TDRD6: variants seen among roughly 807,000 people sequenced by gnomAD.
TDRD6 encodes tudor domain containing 6, also known as tudor domain-containing protein 6.
Under a neutral mutation model 157.5 loss-of-function variants are expected in TDRD6, and 186 were observed. The ratio of observed to expected loss-of-function variants is 1.18; its 90% confidence interval spans 1.05 to 1.33. The LOEUF is 1.33. TDRD6 is among the 40% of genes most tolerant of loss of function. The pLI is 0.00. For synonymous variants in TDRD6, 1,075 were observed against 945.2 expected, an observed-to-expected ratio of 1.14 and a Z score of -2.52; for missense variants, 3,066 against 2,508.0, an observed-to-expected ratio of 1.22 and a Z score of -4.75.
At position 46,701,509 on chromosome 6, in the gene TDRD6, C is replaced by CTAATGGTAGCTTTAATTACATTAA. The variant is rs539802933; in HGVS notation, c.6262-349_6262-348insTAATGGTAGCTTTAATTACATTAA. On this transcript the variant is annotated intron_variant, in intron 3 of 3. Transcript: ENST00000316081. ...AATTGAGGCACATTGAGAATAAAAT[C>CTAATGGTAGCTTTAATTACATTAA]AGCTAATGGTAGCTTTAATATCATG... Among the ~76,000 whole-genome samples the CTAATGGTAGCTTTAATTACATTAA allele has an allele frequency of 6.5e-3, 987 of 152,164 alleles. 10 individuals carry two copies. Among genetic ancestry groups the CTAATGGTAGCTTTAATTACATTAA allele is most frequent in the Non-Finnish European group, 8.4e-3 (574 of 67,964 alleles).
At position 46,692,565 on chromosome 6, in the gene TDRD6, CAG is replaced by C. The variant is rs781149251; in HGVS notation, c.4438_4439del (p.Ser1480Ter). 58 of 1,613,532 alleles carry C rather than the reference CAG, an allele frequency of 3.6e-5. No individual in the cohort carries two copies. Among genetic ancestry groups the C allele is most frequent in the Non-Finnish European group, 4.2e-6 (5 of 1,179,920 alleles). On this transcript the variant is annotated frameshift_variant, in exon 1 of 4. Transcript: ENST00000316081. LOFTEE classifies it high-confidence loss of function. ...ATGATATGATTAGCAGGTATGCTCT[CAG>C]TGAAAAATCTCAAGTAGAACTTTCT... Reference protein sequence around the residue: ...ADDMISRYALSEKSQVELSTQ... With the variant: ...ADDMISRYALXEKSQVELSTQ...
rs926372064 is a variant in TDRD6 at position 46,693,904 on chromosome 6, G to A, written c.5776G>A (p.Gly1926Arg). The change falls in exon 1 of 4, where the codon GGA becomes AGA. Residue 1926 changes from glycine to arginine, a missense_variant. Coordinates refer to ENST00000316081, the MANE Select transcript of TDRD6 (RefSeq NM_001010870.3). ...LDDKMDPLSL[G>R]VSQKAQESMC... ...TGACAAGATGGATCCTTTGTCTTTA[G>A]GAGTTAGTCAGAAAGCACAGGAATC... 6.2e-7 allele frequency: 1 copy of A among 1,614,188 alleles called. No individual in the cohort carries two copies. The highest frequency in any genetic ancestry group is 8.5e-7 in the Non-Finnish European group (1 of 1,180,026).
upstream of TDRD6, chr6:46,687,870 G>C (rs531183072): frequency 2.2e-6 from 1 of 460,794 alleles, no homozygotes; most frequent in East Asian, 4.1e-5. Context: ...TGGCGGCGCC[G>C]AGTGAGGTAA....
chr6:46,688,898 C>T lies in TDRD6; in HGVS notation c.770C>T (p.Thr257Ile), dbSNP rs1053297975. ...GGCGTGACGGAGGCCGTGGTCATAACCCAAGTGTGCCATCCCCACCGCATT... is the reference window on the plus strand; with the variant it reads ...GGCGTGACGGAGGCCGTGGTCATAATCCAAGTGTGCCATCCCCACCGCATT... ...QLGVTEAVVITQVCHPHRIHC... is the reference protein window; with the variant it reads ...QLGVTEAVVIIQVCHPHRIHC... The change falls in exon 1 of 4, where the codon ACC (threonine) becomes ATC (isoleucine). Residue 257 changes from threonine to isoleucine, a missense_variant. Transcript: ENST00000316081. 4.4e-6 allele frequency: 7 copies of T among 1,607,328 alleles called. No homozygotes were observed. In the Admixed American group the frequency reaches 8.4e-5, roughly 19 times the overall value.
In TDRD6 at chr6:46,690,102, G is replaced by A; in HGVS notation, c.1974G>A (p.Lys658=). 1 of 1,613,818 alleles carries A rather than the reference G, an allele frequency of 6.2e-7. No individual in the cohort carries two copies. The highest frequency in any genetic ancestry group is 8.5e-7 in the Non-Finnish European group (1 of 1,179,954). ...ESRTGEENIS[K]VIAQAGYAKY... ...GAACAGGGGAAGAAAACATTAGTAA[G>A]GTAATTGCCCAAGCTGGATATGCCA... The change falls in exon 1 of 4, where the codon AAG becomes AAA. Residue 658 remains lysine (K), a synonymous_variant. Transcript: ENST00000316081.
chr6:46,685,993 C>T (rs908494326), upstream of TDRD6, among the ~76,000 whole-genome samples: 2 of 152,130 alleles, frequency 1.3e-5, no homozygotes, highest in African/African-American at 4.8e-5. Flanking sequence ...ATGCTACCTG[C>T]TCCAGATACA....
intron 2 of TDRD6, among the ~76,000 whole-genome samples, chr6:46,696,531 A>ATATG (rs1764502436): frequency 8.0e-6 from 1 of 125,166 alleles, no homozygotes; most frequent in African/African-American, 3.1e-5. Context: ...GTGTGTATAT[A>ATATG]TGTGTATATA....
Position 46,691,977 on chromosome 6 carries a change from T to G in TDRD6, c.3849T>G (p.Asp1283Glu), listed in dbSNP as rs1401914108. The G allele has an allele frequency of 6.2e-7, 1 of 1,613,700 alleles. No homozygotes were observed. The highest frequency in any genetic ancestry group is 1.7e-5 in the Admixed American group (1 of 59,958). The change falls in exon 1 of 4, where the codon GAT becomes GAG. Residue 1283 changes from aspartate to glutamate, a missense_variant. Coordinates refer to ENST00000316081, the MANE Select transcript of TDRD6 (RefSeq NM_001010870.3). ...CTCTTTCAGAGAGAAAAATAGGAGATTCATGTGACAAAGATTTGCCTCTGA... is the reference window on the plus strand; with the variant it reads ...CTCTTTCAGAGAGAAAAATAGGAGAGTCATGTGACAAAGATTTGCCTCTGA... ...EATLSERKIG[D>E]SCDKDLPLKF... is the part of the protein sequence containing the mutation.
Position 46,694,126 on chromosome 6 carries a change from A to G in TDRD6, c.5998A>G (p.Ser2000Gly), listed in dbSNP as rs1764430996. 2.5e-6 allele frequency: 4 copies of G among 1,597,694 alleles called. No individual in the cohort carries two copies. The highest frequency in any genetic ancestry group is 3.4e-6 in the Non-Finnish European group (4 of 1,172,686). Reference protein sequence around the residue: ...ALMPLFSEEESSDGSKHNNGL... With the variant: ...ALMPLFSEEEGSDGSKHNNGL... The stretch of plus-strand genomic sequence containing the variant: ...GATGCCTTTGTTCTCTGAGGAAGAA[A>G]GCAGTGATGGAAGCAAGCACAATAA... The change falls in exon 1 of 4, where the codon AGC becomes GGC. Residue 2000 changes from serine (S) to glycine (G), a missense_variant. Ser to Gly is a moderately conservative substitution (Grantham distance 56). Coordinates refer to ENST00000316081, the MANE Select transcript of TDRD6 (RefSeq NM_001010870.3).
Position 46,688,438 on chromosome 6 carries a change from A to G in TDRD6, c.310A>G (p.Thr104Ala). 1 of 1,542,502 alleles carries G rather than the reference A, an allele frequency of 6.5e-7. No homozygotes were observed. Among genetic ancestry groups the G allele is most frequent in the South Asian group, 1.2e-5 (1 of 84,174 alleles). The change falls in exon 1 of 4, where the codon ACC (threonine) becomes GCC (alanine). Residue 104 changes from threonine to alanine, a missense_variant. Transcript: ENST00000316081. The stretch of plus-strand genomic sequence containing the variant: ...TGTCTTCCTGCTGGACGAGGGCCGC[A>G]CCATCACGGCCGGAGCAGGCTCGCT... ...SRVFLLDEGR[T>A]ITAGAGSLAP...
chr6:46,689,666 T>A lies in TDRD6; in HGVS notation c.1538T>A (p.Phe513Tyr). ...AGGTTGAGGAAACACAATGTCACCT[T>A]CAGTAAGCTGATGAGGAGAATGTGT... is the stretch of plus-strand genomic sequence containing the variant. ...WIRLRKHNVT[F>Y]SKLMRRMCGF... The change falls in exon 1 of 4, where the codon TTC (phenylalanine) becomes TAC (tyrosine). Residue 513 changes from phenylalanine to tyrosine, a missense_variant. By Grantham distance (22) the Phe-to-Tyr change is conservative. Coordinates refer to ENST00000316081, the MANE Select transcript of TDRD6 (RefSeq NM_001010870.3). The A allele has an allele frequency of 6.2e-7, 1 of 1,614,232 alleles. No homozygotes were observed. Among genetic ancestry groups the A allele is most frequent in the Non-Finnish European group, 8.5e-7 (1 of 1,180,038 alleles).
rs1175855193 is a variant in TDRD6 at position 46,692,046 on chromosome 6, A to AACAACTG, written c.3919_3925dup (p.Val1309AspfsTer10). On this transcript the variant is annotated frameshift_variant, in exon 1 of 4. Transcript: ENST00000316081. LOFTEE classifies it high-confidence loss of function. The stretch of plus-strand genomic sequence containing the variant: ...AGAAGACTATAATGCCTGGATTTAA[A>AACAACTG]ACAACTGTATATGTTTCTCATATAA... 1.9e-6 allele frequency: 3 copies of AACAACTG among 1,613,206 alleles called. No individual in the cohort carries two copies. Among genetic ancestry groups the AACAACTG allele is most frequent in the Admixed American group, 3.3e-5 (2 of 59,794 alleles).
rs753881305 is a variant in TDRD6 at position 46,688,552 on chromosome 6, G to A, written c.424G>A (p.Gly142Ser). 1 of 1,583,282 alleles carries A rather than the reference G, an allele frequency of 6.3e-7. No homozygotes were observed. The highest frequency in any genetic ancestry group is 1.1e-5 in the South Asian group (1 of 89,466). Residue 142 changes from glycine (G) to serine (S), a missense_variant, in exon 1 of 4, where the codon GGC (glycine) becomes AGC (serine). Physicochemically the swap from Gly to Ser is moderately conservative, Grantham distance 56. Coordinates refer to ENST00000316081, the MANE Select transcript of TDRD6 (RefSeq NM_001010870.3). ...AGLVPAGCGA[G>S]SGEPPQHWPA... ...CCTGGTGCCGGCAGGCTGCGGCGCG[G>A]GCTCAGGCGAGCCGCCGCAGCACTG...
chr6:46,688,834 C>G lies in TDRD6; in HGVS notation c.706C>G (p.Gln236Glu). The G allele has an allele frequency of 1.2e-6, 2 of 1,612,798 alleles. No homozygotes were observed. Among genetic ancestry groups the G allele is most frequent in the Non-Finnish European group, 1.7e-6 (2 of 1,179,736 alleles). ...CTCGCGAGTCCCGCTCAAGCAAAAGCAGCCTGGTCTGGATTACTTCTATCC... is the reference window on the plus strand; with the variant it reads ...CTCGCGAGTCCCGCTCAAGCAAAAGGAGCCTGGTCTGGATTACTTCTATCC... ...VLSRVPLKQK[Q>E]PGLDYFYPQL... Residue 236 changes from glutamine (Q) to glutamate (E), a missense_variant, in exon 1 of 4, where the codon CAG becomes GAG. Gln to Glu is a conservative substitution (Grantham distance 29, BLOSUM62 2). Transcript: ENST00000316081.
At chr6:46,696,511 G>GTATATATAT (rs1360212580) in intron 2 of TDRD6, among the ~76,000 whole-genome samples, 1 of 117,206 alleles carries the variant, frequency 8.5e-6, no homozygotes, top group Admixed American at 1.0e-4. Context: ...TAATATATAT[G>GTATATATAT]TATATATATG....
In TDRD6 at chr6:46,691,880, T is replaced by C; in HGVS notation, c.3752T>C (p.Phe1251Ser). 6.3e-7 allele frequency: 1 copy of C among 1,593,668 alleles called. No individual in the cohort carries two copies. Among genetic ancestry groups the C allele is most frequent in the Non-Finnish European group, 8.5e-7 (1 of 1,174,784 alleles). ...GTGGGAAATAAAAATAGTCAAGTGTTTCCATTAACAACAGAAAAGAAAGAA... is the reference window on the plus strand; with the variant it reads ...GTGGGAAATAAAAATAGTCAAGTGTCTCCATTAACAACAGAAAAGAAAGAA... The part of the protein sequence containing the change: ...DSVGNKNSQV[F>S]PLTTEKKEEI... Residue 1251 changes from phenylalanine (F) to serine (S), a missense_variant, in exon 1 of 4, where the codon TTT (phenylalanine) becomes TCT (serine). Coordinates refer to ENST00000316081, the MANE Select transcript of TDRD6 (RefSeq NM_001010870.3).
chr6:46,690,511 A>C lies in TDRD6; in HGVS notation c.2383A>C (p.Ile795Leu), dbSNP rs762657981. ...TTTCTGGTGTCAGCTGACCAGGAAC[A>C]TACAAGGACTTAAAACTCTAATGTC... ...GYFWCQLTRNIQGLKTLMSDI... is the reference protein window; with the variant it reads ...GYFWCQLTRNLQGLKTLMSDI... Residue 795 changes from isoleucine (I) to leucine (L), a missense_variant, in exon 1 of 4, where the codon ATA becomes CTA. Transcript: ENST00000316081. 6.2e-7 allele frequency: 1 copy of C among 1,614,184 alleles called. No homozygotes were observed. Among genetic ancestry groups the C allele is most frequent in the Non-Finnish European group, 8.5e-7 (1 of 1,180,028 alleles).
In TDRD6 at chr6:46,689,311, G is replaced by A; in HGVS notation, c.1183G>A (p.Asp395Asn). Residue 395 changes from aspartate to asparagine, a missense_variant, in exon 1 of 4, where the codon GAC (aspartate) becomes AAC (asparagine). Coordinates refer to ENST00000316081, the MANE Select transcript of TDRD6 (RefSeq NM_001010870.3). ...AGGCTGGTCTCGGTCACAGGTCGGT[G>A]ACCTGAAGACACTGATACTAGGCAA... is the stretch of plus-strand genomic sequence containing the variant. ...GRGWSRSQVG[D>N]LKTLILGKAV... 6.2e-7 allele frequency: 1 copy of A among 1,614,162 alleles called. No homozygotes were observed.
chr6:46,689,199 C>G lies in TDRD6; in HGVS notation c.1071C>G (p.Ser357Arg). The part of the protein sequence containing the change: ...DYGRKELVSC[S>R]SLRYLLPEYF... The stretch of plus-strand genomic sequence containing the variant: ...GAAGGAAGGAGTTAGTGAGTTGCAG[C>G]AGCCTTCGGTACTTGCTGCCTGAAT... Residue 357 changes from serine to arginine, a missense_variant, in exon 1 of 4, where the codon AGC (serine) becomes AGG (arginine). Ser to Arg is a moderately radical substitution (Grantham distance 110, BLOSUM62 -1). Transcript: ENST00000316081. 1 of 1,614,212 alleles carries G rather than the reference C, an allele frequency of 6.2e-7. No homozygotes were observed. Among genetic ancestry groups the G allele is most frequent in the Non-Finnish European group, 8.5e-7 (1 of 1,180,042 alleles).
Sources: allele counts gnomAD v4.1 joint callset (sites outside exome capture counted in the v4.1 genomes callset), GRCh38; gene constraint gnomAD v4.1.1; transcripts MANE v1.5; gene names NCBI Gene and HGNC (gene_info 2026-07-23, HGNC 2026-07-21).